Variants in PTPN14 observed in about 807,000 individuals in gnomAD.
The protein encoded by PTPN14 is tyrosine-protein phosphatase non-receptor type 14.
PTPN14 carries 53 observed loss-of-function variants against 126.8 expected under a neutral mutation model. The observed-to-expected ratio is 0.42, with a 90% confidence interval of 0.34 to 0.53. PTPN14 has a LOEUF of 0.53. PTPN14 is among the 20% of genes least tolerant of loss of function. The probability of loss-of-function intolerance (pLI) is 0.08; values close to 1 mark genes in which losing one functional copy is unlikely to be tolerated. For missense variants in PTPN14, 1,257 were observed against 1,552.9 expected (o/e 0.81, Z 3.20); for synonymous variants, 630 against 599.3 (o/e 1.05, Z -0.75).
chr1:214,376,557 A>G, intron 14 of PTPN14, 120 bp from the exon 15 acceptor site: 2 of 837,508 alleles, frequency 2.4e-6, no homozygotes, highest in East Asian at 5.1e-5. Flanking sequence ...TCTACAATCA[A>G]TGCTTGGTTT....
intron 3 of PTPN14, among the ~76,000 whole-genome samples, chr1:214,418,004 C>A (rs988409509): frequency 6.6e-6 from 1 of 152,206 alleles, no homozygotes; most frequent in Non-Finnish European, 1.5e-5. Context: ...GCCCTTGCCA[C>A]GGTTCCAAAT....
chr1:214,505,703 C>T (rs1654823739), intron 1 of PTPN14, among the ~76,000 whole-genome samples: 1 of 152,132 alleles, frequency 6.6e-6, no homozygotes, highest in Non-Finnish European at 1.5e-5. Context: ...TGAGACATGC[C>T]TAGGCAACAC....
At chr1:214,404,506 C>G (rs1428792101) in intron 5 of PTPN14, among the ~76,000 whole-genome samples, 4 of 152,162 alleles carry the variant, frequency 2.6e-5, no homozygotes, top group Non-Finnish European at 4.4e-5. Flanking sequence ...TTTTGAAAAG[C>G]TAATGAAGGG....
chr1:214,410,567 G>A (rs1659284679), intron 5 of PTPN14, among the ~76,000 whole-genome samples: 1 of 152,124 alleles, frequency 6.6e-6, no homozygotes, highest in Admixed American at 6.5e-5. Context: ...CTGAGATTAT[G>A]GGCGTGAGCC....
At chr1:214,498,381 G>A (rs1010133311) in intron 1 of PTPN14, among the ~76,000 whole-genome samples, 3 of 152,180 alleles carry the variant, frequency 2.0e-5, no homozygotes, top group African/African-American at 7.2e-5. Flanking sequence ...AGGTTTCATG[G>A]AAGAAGGCAA....
intron 1 of PTPN14, chr1:214,533,458 T>G (rs1284018743): frequency 4.3e-6 from 2 of 460,754 alleles, no homozygotes; most frequent in Non-Finnish European, 3.8e-6. Flanking sequence ...GACACTAAAG[T>G]TCTGAGACAT....
chr1:214,507,014 C>A (rs1419756317), intron 1 of PTPN14, among the ~76,000 whole-genome samples: 2 of 151,664 alleles, frequency 1.3e-5, no homozygotes, highest in East Asian at 3.9e-4. Flanking sequence ...TCATTCTACT[C>A]GTCTCTAAAA....
intron 3 of PTPN14, among the ~76,000 whole-genome samples, chr1:214,430,932 T>C (rs1659783515): frequency 6.6e-6 from 1 of 152,234 alleles, no homozygotes; most frequent in Non-Finnish European, 1.5e-5. Flanking sequence ...TGCCACTCTA[T>C]ATCTTGCAGA....
chr1:214,463,734 G>T (rs1465483213), intron 2 of PTPN14, among the ~76,000 whole-genome samples: 1 of 152,160 alleles, frequency 6.6e-6, no homozygotes, highest in African/African-American at 2.4e-5. Context: ...CTCTCCAAGA[G>T]CCCAGGGACC....
chr1:214,543,012 C>T (rs73079764), intron 1 of PTPN14, among the ~76,000 whole-genome samples: 8,078 of 152,230 alleles, frequency 0.053, 452 homozygotes, highest in African/African-American at 0.15. Context: ...ATTATAGTTC[C>T]ATAAGTAGAA....
chr1:214,460,162 A>G lies in PTPN14; in HGVS notation c.174+4468T>C, dbSNP rs114506096. On this transcript the variant is annotated intron_variant, in intron 2 of 18. Transcript: ENST00000366956. ...CCCCATCTGTAACATAGGAACAGCA[A>G]GAGTAGGGACACATCAGACTTGTTA... Among the ~76,000 whole-genome samples the G allele has an allele frequency of 7.3e-3, 436 of 60,062 alleles. 3 individuals are homozygous for G. Among genetic ancestry groups the G allele is most frequent in the African/African-American group, 0.033 (401 of 12,134 alleles). The allele number at this position is 60,062 out of a possible 152,430, so 39.4% of individuals were successfully genotyped here. A position where few individuals can be genotyped will look rare whatever the true frequency, so the allele number is the denominator to read the frequency against.
chr1:214,412,242 C>T (rs1329547330), intron 4 of PTPN14, among the ~76,000 whole-genome samples: 1 of 152,126 alleles, frequency 6.6e-6, no homozygotes, highest in East Asian at 1.9e-4. Flanking sequence ...TTACAAGATG[C>T]CAAAAATTCT....
At chr1:214,514,592 G>C (rs922400726) in intron 1 of PTPN14, among the ~76,000 whole-genome samples, 9 of 152,068 alleles carry the variant, frequency 5.9e-5, no homozygotes, top group African/African-American at 1.2e-4. Flanking sequence ...GTCCCCCCTC[G>C]ATGGTGCTGG....
intron 18 of PTPN14, among the ~76,000 whole-genome samples, chr1:214,363,148 C>G (rs1022285976): frequency 1.3e-5 from 2 of 152,208 alleles, no homozygotes; most frequent in Non-Finnish European, 2.9e-5. Context: ...GTTATGTAGT[C>G]TCAACTGATT....
chr1:214,541,371 C>T lies in PTPN14; in HGVS notation c.-155+9812G>A, dbSNP rs114236181. ...GCCAAGAGATGTTTAGGGGAGAGGC[C>T]AGACAAGGCTAGGAAGTTAGGTGTG... On this transcript the variant is annotated intron_variant, in intron 1 of 18. Coordinates refer to ENST00000366956, the MANE Select transcript of PTPN14 (RefSeq NM_005401.5). Among the ~76,000 whole-genome samples, 148 of 152,196 alleles carry T rather than the reference C, an allele frequency of 9.7e-4. 1 individual carries two copies. Among genetic ancestry groups the T allele is most frequent in the Non-Finnish European group, 1.5e-3 (102 of 68,006 alleles).
At chr1:214,455,580 T>C (rs1399197340) in intron 2 of PTPN14, among the ~76,000 whole-genome samples, 1 of 152,086 alleles carries the variant, frequency 6.6e-6, no homozygotes, top group Non-Finnish European at 1.5e-5. Context: ...TTTACTGCAA[T>C]GATGAGAAAA....
At chr1:214,511,025 C>T (rs140101622) in intron 1 of PTPN14, among the ~76,000 whole-genome samples, 9 of 151,926 alleles carry the variant, frequency 5.9e-5, no homozygotes, top group Non-Finnish European at 1.2e-4. Context: ...TACAGGCACA[C>T]ATGCCACCAG....
intron 8 of PTPN14, 125 bp from the exon 9 acceptor site, chr1:214,395,111 T>C: frequency 1.2e-6 from 1 of 846,584 alleles, no homozygotes; most frequent in Non-Finnish European, 1.9e-6. Context: ...ATTTTTTAAG[T>C]GAAATGTTCT....
chr1:214,386,114 T>G (rs776045620), intron 12 of PTPN14, among the ~76,000 whole-genome samples: 1 of 152,208 alleles, frequency 6.6e-6, no homozygotes, highest in African/African-American at 2.4e-5. Context: ...CATATATAAG[T>G]TCCATCATTA....
Sources: gnomAD v4.1 joint callset for allele counts (sites outside exome capture counted in the v4.1 genomes callset) on GRCh38, gnomAD v4.1.1 for gene constraint, MANE v1.5 for transcripts, NCBI Gene and HGNC (gene_info 2026-07-23, HGNC 2026-07-21) for gene names.